CYP4B1: variants seen among roughly 807,000 people sequenced by gnomAD.
CYP4B1 encodes cytochrome P450 family 4 subfamily B member 1.
In CYP4B1, 45 loss-of-function variants were observed where a neutral mutation model predicts 54.0. The observed-to-expected ratio is 0.83, with a 90% CI of 0.66 to 1.07. The LOEUF is 1.07. Ranked by LOEUF, CYP4B1 falls within the 50% of genes least tolerant of loss-of-function variation. CYP4B1 has a pLI of 0.00. For synonymous variants in CYP4B1, 248 were observed against 247.5 expected, an observed-to-expected ratio of 1.00 and a Z score of -0.02; for missense variants, 656 against 655.4, an observed-to-expected ratio of 1.00 and a Z score of -0.01.
At position 46,815,065 on chromosome 1, in the gene CYP4B1, C is replaced by T. The variant is rs1679276647; in HGVS notation, c.883-9C>T. 6.2e-7 allele frequency: 1 copy of T among 1,610,298 alleles called. No homozygotes were observed. Among genetic ancestry groups the T allele is most frequent in the African/African-American group, 1.3e-5 (1 of 74,704 alleles). The stretch of plus-strand genomic sequence containing the variant: ...CTCAAGCTGTCCTATTATGCCTTCC[C>T]TAACCCAGGATGAAGATGACATCAA... On this transcript the variant is annotated splice_polypyrimidine_tract_variant and intron_variant, in intron 7 of 11. Coordinates refer to ENST00000371923, the MANE Select transcript of CYP4B1 (RefSeq NM_001099772.2).
intron 6 of CYP4B1, 22 bp downstream of exon 6, chr1:46,814,085 C>T (rs758500374): frequency 3.1e-6 from 5 of 1,613,380 alleles, no homozygotes; most frequent in Non-Finnish European, 2.5e-6. Flanking sequence ...CCACAAGGCT[C>T]ACCTCTAGGA....
At chr1:46,805,743 C>T (rs1485430586) in intron 1 of CYP4B1, among the ~76,000 whole-genome samples, 1 of 152,240 alleles carries the variant, frequency 6.6e-6, no homozygotes, top group Non-Finnish European at 1.5e-5. Flanking sequence ...AGAGATGCTA[C>T]ATCTTCTCCC....
Position 46,818,768 on chromosome 1 carries a change from G to A in CYP4B1, c.1493G>A (p.Gly498Asp), listed in dbSNP as rs751026514. Residue 498 changes from glycine (G) to aspartate (D), a missense_variant, in exon 12 of 12, where the codon GGC (glycine) becomes GAC (aspartate). Physicochemically the swap from Gly to Asp is moderately conservative, Grantham distance 94. Transcript: ENST00000371923. ...MPQLVLRSKNGFHLHLKPLGP... is the reference protein window; with the variant it reads ...MPQLVLRSKNDFHLHLKPLGP... ...CAGCTTGTCCTGCGCTCCAAGAATG[G>A]CTTTCACCTCCACCTGAAGCCACTG... 6.2e-7 allele frequency: 1 copy of A among 1,614,094 alleles called. No individual in the cohort carries two copies. Among genetic ancestry groups the A allele is most frequent in the East Asian group, 2.2e-5 (1 of 44,862 alleles).
intron 11 of CYP4B1, among the ~76,000 whole-genome samples, 193 bp from the exon 12 acceptor site, chr1:46,818,438 C>T (rs771484924): frequency 1.3e-5 from 2 of 152,184 alleles, no homozygotes; most frequent in African/African-American, 2.4e-5. Context: ...GCCAGACCCC[C>T]ACCATGTGAA....
In CYP4B1 at chr1:46,800,189, CTTTCTTTCTCTT is replaced by C. The variant is rs1224588261; in HGVS notation, c.180+930_180+941del. On this transcript the variant is annotated intron_variant, in intron 1 of 11. Coordinates refer to ENST00000371923, the MANE Select transcript of CYP4B1 (RefSeq NM_001099772.2). ...CTTTTTTTCTTCTTTCTTTCTCTTT[CTTTCTTTCTCTT>C]TCTTTCTTTCTTTCTCTTTCTCTCT... Among the ~76,000 whole-genome samples the C allele has an allele frequency of 1.1e-3, 50 of 43,516 alleles. 1 individual carries two copies. The highest frequency in any genetic ancestry group is 4.8e-3 in the East Asian group (3 of 620). The allele number at this position is 43,516 out of a possible 152,430, so 28.5% of individuals were successfully genotyped here.
intron 1 of CYP4B1, among the ~76,000 whole-genome samples, chr1:46,809,960 A>G (rs1354717617): frequency 6.6e-6 from 1 of 152,122 alleles, no homozygotes; most frequent in African/African-American, 2.4e-5. Context: ...TGACTAGAAA[A>G]ACCTCCAAAG....
rs555010161 is a variant in CYP4B1, at chr1:46,814,561, C to A, written c.882+246C>A. 6.3e-4 allele frequency among the ~76,000 whole-genome samples: 96 copies of A among 152,284 alleles called. 1 individual carries two copies. The highest frequency in any genetic ancestry group is 2.2e-3 in the African/African-American group (92 of 41,546). On this transcript the variant is annotated intron_variant, in intron 7 of 11. Coordinates refer to ENST00000371923, the MANE Select transcript of CYP4B1 (RefSeq NM_001099772.2). Reference sequence around the variant, plus strand: ...GTGGCTGGACGACATTTCTAGACTTCTAAGATCCCCCAAAATGTTGGCCTT... The same window carrying A: ...GTGGCTGGACGACATTTCTAGACTTATAAGATCCCCCAAAATGTTGGCCTT...
intron 9 of CYP4B1, among the ~76,000 whole-genome samples, chr1:46,817,718 C>A (rs1340086987): frequency 6.6e-6 from 1 of 152,218 alleles, no homozygotes; most frequent in Non-Finnish European, 1.5e-5. Flanking sequence ...TGGGTTCATT[C>A]TCCCCTTTAT....
intron 1 of CYP4B1, among the ~76,000 whole-genome samples, chr1:46,803,651 A>G (rs925445496): frequency 6.6e-6 from 1 of 152,152 alleles, no homozygotes; most frequent in East Asian, 1.9e-4. Context: ...TGGGTATGGG[A>G]TCCTCGAGTA....
At chr1:46,806,228 G>A (rs1347567703) in intron 1 of CYP4B1, among the ~76,000 whole-genome samples, 1 of 152,220 alleles carries the variant, frequency 6.6e-6, no homozygotes, top group East Asian at 1.9e-4. Flanking sequence ...GACATGACCT[G>A]CCTTGAGGGA....
chr1:46,815,338 T>C lies in CYP4B1; in HGVS notation c.1073+74T>C, dbSNP rs1679295616. The C allele has an allele frequency of 2.2e-6, 3 of 1,359,380 alleles. No homozygotes were observed. The South Asian group carries it at 4.7e-5, about 21-fold the overall frequency. The allele number at this position is 1,359,380 out of a possible 1,614,324, so 84.2% of individuals were successfully genotyped here. ...GCGATGCCCATCCTGTCCTGAACCA[T>C]CCTGGAAATCAGGTGAGGTGGCGGC... On this transcript the variant is annotated intron_variant, in intron 8 of 11. Transcript: ENST00000371923.
rs764019910 is a variant in CYP4B1, at chr1:46,811,121, T to A, written c.323-19T>A. 6.2e-7 allele frequency: 1 copy of A among 1,613,970 alleles called. No homozygotes were observed. The highest frequency in any genetic ancestry group is 2.2e-5 in the East Asian group (1 of 44,898). ...AGGAACCCCGGGTCCCTGCTTGACC[T>A]GATTGTCTCCTCCTGCAGACCCTAA... On this transcript the variant is annotated intron_variant, in intron 2 of 11. Transcript: ENST00000371923.
intron 1 of CYP4B1, among the ~76,000 whole-genome samples, chr1:46,809,194 A>C (rs1557493010): frequency 1.4e-5 from 2 of 145,566 alleles, no homozygotes; most frequent in Non-Finnish European, 3.1e-5. Flanking sequence ...AACAAAACAA[A>C]ACAAAACAAA....
intron 1 of CYP4B1, 73 bp downstream of exon 1, chr1:46,799,334 C>T (rs1158754935): frequency 1.4e-6 from 2 of 1,408,448 alleles, no homozygotes; most frequent in East Asian, 2.5e-5. Flanking sequence ...GCCTAATTCC[C>T]AGGGGGCTGT....
intron 1 of CYP4B1, among the ~76,000 whole-genome samples, chr1:46,799,530 G>A (rs1252913606): frequency 1.3e-5 from 2 of 152,180 alleles, no homozygotes; most frequent in African/African-American, 4.8e-5. Flanking sequence ...CCCAAAGTTT[G>A]GACCAGGTTC....
At chr1:46,799,391 A>G (rs1678520820) in intron 1 of CYP4B1, 130 bp downstream of exon 1, 1 of 831,982 alleles carries the variant, frequency 1.2e-6, no homozygotes, top group Non-Finnish European at 1.8e-6. Flanking sequence ...CCTGGGATCC[A>G]TGGCTTCCAT....
At chr1:46,806,174 T>C (rs1678851755) in intron 1 of CYP4B1, among the ~76,000 whole-genome samples, 1 of 152,196 alleles carries the variant, frequency 6.6e-6, no homozygotes, top group African/African-American at 2.4e-5. Context: ...TCTTACTGGG[T>C]GAAGGTGCTG....
At chr1:46,818,234 C>G in intron 11 of CYP4B1, 21 bp downstream of exon 11, 1 of 1,608,134 alleles carries the variant, frequency 6.2e-7, no homozygotes, top group Non-Finnish European at 8.5e-7. Context: ...ACCCAGTATC[C>G]CAGGCCCTCA....
In CYP4B1 at chr1:46,813,753, G is replaced by C. The variant is rs1679210007; in HGVS notation, c.620+147G>C. 2.8e-6 allele frequency: 4 copies of C among 1,426,576 alleles called. No homozygotes were observed. In the Admixed American group the frequency reaches 5.7e-5, roughly 20 times the overall value. The allele number at this position is 1,426,576 out of a possible 1,614,324, so 88.4% of individuals were successfully genotyped here. On this transcript the variant is annotated intron_variant, in intron 5 of 11. Coordinates refer to ENST00000371923, the MANE Select transcript of CYP4B1 (RefSeq NM_001099772.2). Reference sequence around the variant, plus strand: ...TGCGGGGAGACAGGACCTGCTCATGGTGGGGTAAACACCTGGCTTTAGCAA... The same window carrying C: ...TGCGGGGAGACAGGACCTGCTCATGCTGGGGTAAACACCTGGCTTTAGCAA...
Sources: gnomAD v4.1 joint callset for allele counts (sites outside exome capture counted in the v4.1 genomes callset) on GRCh38, gnomAD v4.1.1 for gene constraint, MANE v1.5 for transcripts, NCBI Gene and HGNC (gene_info 2026-07-23, HGNC 2026-07-21) for gene names.